Variants in CKAP5 observed in about 807,000 individuals in gnomAD.
CKAP5 encodes the protein cytoskeleton-associated protein 5.
Under a neutral mutation model 232.8 loss-of-function variants are expected in CKAP5, and 27 were observed. The ratio of observed to expected loss-of-function variants is 0.12; its 90% CI spans 0.09 to 0.16. The LOEUF (loss-of-function observed/expected upper bound fraction) is 0.16, where lower values mean the gene tolerates loss of function less well. Ranked by LOEUF, CKAP5 falls within the 10% of genes least tolerant of loss-of-function variation. The probability of loss-of-function intolerance (pLI) is 1.00; values close to 1 mark genes in which losing one functional copy is unlikely to be tolerated. For missense variants in CKAP5, 1,838 were observed against 2,424.7 expected, an observed-to-expected ratio of 0.76 and a Z score of 5.08; for synonymous variants, 785 against 841.1, an observed-to-expected ratio of 0.93 and a Z score of 1.16.
At chr11:46,830,920 C>T (rs1324311002) in intron 1 of CKAP5, among the ~76,000 whole-genome samples, 2 of 152,100 alleles carry the variant, frequency 1.3e-5, no homozygotes, top group Non-Finnish European at 1.5e-5. Context: ...AAAAAATTAG[C>T]CGGGCATGGT....
intron 8 of CKAP5, among the ~76,000 whole-genome samples, chr11:46,803,520 G>A (rs1939084966): frequency 6.6e-6 from 1 of 151,924 alleles, no homozygotes; most frequent in Admixed American, 6.6e-5. Flanking sequence ...AGCCCGCCTC[G>A]GCCTCCCAAA....
At chr11:46,797,017 T>C (rs1162031531) in intron 11 of CKAP5, 77 bp from the exon 12 acceptor site, 19 of 1,505,508 alleles carry the variant, frequency 1.3e-5, no homozygotes, top group Admixed American at 7.2e-5. Flanking sequence ...AGACTGATGG[T>C]TGCTAGATAA....
rs371514411 is a variant in CKAP5, at chr11:46,763,087, G to A, written c.3780C>T (p.Val1260=). 6.2e-7 allele frequency: 1 copy of A among 1,613,346 alleles called. No homozygotes were observed. Among genetic ancestry groups the A allele is most frequent in the African/African-American group, 1.3e-5 (1 of 74,856 alleles). Residue 1260 remains valine, a synonymous_variant, in exon 30 of 44, where the codon GTC becomes GTT. Coordinates refer to ENST00000529230, the MANE Select transcript of CKAP5 (RefSeq NM_001008938.4). The part of the protein sequence containing the change: ...TLRFFDTNTS[V]LMKALEYLKL... The stretch of plus-strand genomic sequence containing the variant: ...TTAAATATTCTAGTGCTTTCATCAG[G>A]ACGCTTGTATTGGTGTCAAAAAACC...
intron 24 of CKAP5, among the ~76,000 whole-genome samples, chr11:46,772,253 T>C (rs948603178): frequency 1.3e-5 from 2 of 152,132 alleles, no homozygotes; most frequent in Non-Finnish European, 1.5e-5. Context: ...TGTTGTTCTG[T>C]AGCTTGTTTT....
intron 16 of CKAP5, among the ~76,000 whole-genome samples, chr11:46,787,119 C>T (rs1418603708): frequency 6.6e-6 from 1 of 152,088 alleles, no homozygotes; most frequent in African/African-American, 2.4e-5. Context: ...GTTTGCACCA[C>T]CACACTCCAG....
At chr11:46,760,473 G>A in intron 33 of CKAP5, 139 bp downstream of exon 33, 2 of 813,794 alleles carry the variant, frequency 2.5e-6, no homozygotes, top group Non-Finnish European at 2.0e-6. Context: ...CAAACATTTG[G>A]TTACAATACA....
chr11:46,795,713 T>C lies in CKAP5; in HGVS notation c.1531A>G (p.Lys511Glu). 6.2e-7 allele frequency: 1 copy of C among 1,614,124 alleles called. No individual in the cohort carries two copies. The highest frequency in any genetic ancestry group is 1.1e-5 in the South Asian group (1 of 91,080). The change falls in exon 13 of 44, where the codon AAG (lysine) becomes GAG (glutamate). Residue 511 changes from lysine to glutamate, a missense_variant. By Grantham distance (56) the Lys-to-Glu change is moderately conservative. Around this residue, in one of 6 missense-constraint regions of CKAP5, gnomAD observed 767 missense variants for 954.6 expected, o/e 0.80. Transcript: ENST00000529230. ...HGKKAGLAAD[K>E]KEFKPLPGRT... Reference sequence around the variant, plus strand: ...CCAGGCAGAGGTTTGAATTCCTTCTTATCAGCAGCTAGTCCAGCTTTCTTA... The same window carrying C: ...CCAGGCAGAGGTTTGAATTCCTTCTCATCAGCAGCTAGTCCAGCTTTCTTA...
At chr11:46,799,988 G>T (rs978811133) in intron 9 of CKAP5, among the ~76,000 whole-genome samples, 1 of 151,216 alleles carries the variant, frequency 6.6e-6, no homozygotes, top group Non-Finnish European at 1.5e-5. Context: ...GTGACAAAGT[G>T]AGACCCTGTC....
intron 34 of CKAP5, 99 bp from the exon 35 acceptor site, chr11:46,759,142 C>G: frequency 6.6e-7 from 1 of 1,508,038 alleles, no homozygotes; most frequent in Non-Finnish European, 9.0e-7. Context: ...TCTTAGTTAA[C>G]AACTGCTATC....
At chr11:46,831,871 T>A (rs1020503960) in intron 1 of CKAP5, among the ~76,000 whole-genome samples, 2 of 150,468 alleles carry the variant, frequency 1.3e-5, no homozygotes, top group African/African-American at 4.9e-5. Context: ...CTTTTTTTTT[T>A]TTTTTTTTTC....
intron 13 of CKAP5, 35 bp from the exon 14 acceptor site, chr11:46,790,618 C>G (rs776264188): frequency 1.1e-5 from 15 of 1,418,326 alleles, no homozygotes; most frequent in Non-Finnish European, 1.5e-5. Context: ...ATTAAACCAC[C>G]TAAGGATTTA....
chr11:46,750,975 C>T (rs1565715256), intron 40 of CKAP5, 143 bp downstream of exon 40: 6 of 941,952 alleles, frequency 6.4e-6, no homozygotes, highest in Non-Finnish European at 4.8e-6. Flanking sequence ...ATGGTTACTG[C>T]ACCACAGCAG....
chr11:46,789,186 A>C (rs1167725846), intron 15 of CKAP5, among the ~76,000 whole-genome samples: 1 of 152,234 alleles, frequency 6.6e-6, no homozygotes, highest in Admixed American at 6.5e-5. Flanking sequence ...CGAATATCAA[A>C]GATGCACAAA....
At chr11:46,828,376 C>T (rs1285861166) in intron 1 of CKAP5, among the ~76,000 whole-genome samples, 2 of 152,134 alleles carry the variant, frequency 1.3e-5, no homozygotes, top group African/African-American at 4.8e-5. Flanking sequence ...GTAAAGAATA[C>T]CTCTGAATTA....
At chr11:46,773,526 G>A (rs1194590535) in intron 24 of CKAP5, among the ~76,000 whole-genome samples, 1 of 151,712 alleles carries the variant, frequency 6.6e-6, no homozygotes, top group African/African-American at 2.4e-5. Flanking sequence ...TGGGATTACA[G>A]GCGTGAGCCA....
At chr11:46,783,425 A>T in intron 17 of CKAP5, 57 bp from the exon 18 acceptor site, 1 of 1,082,832 alleles carries the variant, frequency 9.2e-7, no homozygotes, top group Non-Finnish European at 1.4e-6. Context: ...ATAGAAATAC[A>T]GCATGACATT....
In CKAP5 at chr11:46,743,985, A is replaced by G; in HGVS notation, c.*38T>C. ...AAACTATGAGGACTTCTAGTTTAGT[A>G]AACTAAAGCTGCAGGGTGCCGGGGG... is the stretch of plus-strand genomic sequence containing the variant. On this transcript the variant is annotated 3_prime_UTR_variant, in exon 44 of 44. Coordinates refer to ENST00000529230, the MANE Select transcript of CKAP5 (RefSeq NM_001008938.4). 6.2e-7 allele frequency: 1 copy of G among 1,611,434 alleles called. No homozygotes were observed. Among genetic ancestry groups the G allele is most frequent in the Non-Finnish European group, 8.5e-7 (1 of 1,179,656 alleles).
At chr11:46,797,757 T>C in intron 11 of CKAP5, 48 bp downstream of exon 11, 1 of 1,545,672 alleles carries the variant, frequency 6.5e-7, no homozygotes, top group Middle Eastern at 1.7e-4. Context: ...AGGAAAAGAA[T>C]CTTGCCTAGG....
intron 33 of CKAP5, 56 bp downstream of exon 33, chr11:46,760,556 G>A (rs2065145464): frequency 1.9e-6 from 3 of 1,553,000 alleles, no homozygotes; most frequent in Non-Finnish European, 2.7e-6. Flanking sequence ...CAGGCTGTGA[G>A]CACACAAGGC....
Sources: gnomAD v4.1 joint callset for allele counts (sites outside exome capture counted in the v4.1 genomes callset) on GRCh38, gnomAD v4.1.1 for gene constraint, gnomAD v4.1.1 regional missense constraint, MANE v1.5 for transcripts, NCBI Gene and HGNC (gene_info 2026-07-23, HGNC 2026-07-21) for gene names.